NTRK3: variants seen among roughly 807,000 people sequenced by gnomAD.
NTRK3 encodes the protein neurotrophic receptor tyrosine kinase 3, also known as NT-3 growth factor receptor.
Under a neutral mutation model 91.7 loss-of-function variants are expected in NTRK3, and 24 were observed. The ratio of observed to expected loss-of-function variants is 0.26; its 90% CI spans 0.19 to 0.37. The LOEUF is 0.37. NTRK3 is among the 10% of genes least tolerant of loss of function. The pLI, the probability that NTRK3 is intolerant of heterozygous loss-of-function variation, is 1.00. For missense variants in NTRK3, 880 were observed against 1,068.9 expected (o/e 0.82, Z 2.46); for synonymous variants, 483 against 404.0 (o/e 1.20, Z -2.34).
chr15:88,077,003 A>G (rs1159180328), intron 13 of NTRK3, among the ~76,000 whole-genome samples: 1 of 152,150 alleles, frequency 6.6e-6, no homozygotes, highest in Non-Finnish European at 1.5e-5. Flanking sequence ...CTGAGGCATG[A>G]GAATCGCTTG....
At chr15:88,253,965 G>C (rs183001987) in intron 3 of NTRK3, among the ~76,000 whole-genome samples, 1 of 152,178 alleles carries the variant, frequency 6.6e-6, no homozygotes, top group Non-Finnish European at 1.5e-5. Flanking sequence ...CCTCTGTGTG[G>C]CTATAAAGAG....
At chr15:88,112,550 C>T (rs1475164033) in intron 13 of NTRK3, among the ~76,000 whole-genome samples, 1 of 152,086 alleles carries the variant, frequency 6.6e-6, no homozygotes, top group African/African-American at 2.4e-5. Flanking sequence ...TCTCTCTTGG[C>T]CAGCCCTGTC....
chr15:87,877,061 C>T (rs1057053306), exon 19 of NTRK3: 14 of 1,613,964 alleles, frequency 8.7e-6, no homozygotes, highest in Non-Finnish European at 1.0e-5. Flanking sequence ...CATCGTACAC[C>T]TCTTTGGGGC....
At chr15:88,247,509 C>G (rs1431238662) in intron 3 of NTRK3, among the ~76,000 whole-genome samples, 4 of 152,214 alleles carry the variant, frequency 2.6e-5, no homozygotes, top group African/African-American at 9.6e-5. Context: ...ACTCAGAAAT[C>G]TTCCCAGTAG....
chr15:88,229,381 CTGCTTCTCCA>C (rs1567684137), intron 3 of NTRK3, among the ~76,000 whole-genome samples: 1 of 152,198 alleles, frequency 6.6e-6, no homozygotes, highest in Non-Finnish European at 1.5e-5. Context: ...TCTTTCCAAT[CTGCTTCTCCA>C]TGTTACATCC....
Position 87,901,620 on chromosome 15 carries a change from A to G in NTRK3, c.2134-21192T>C, listed in dbSNP as rs531149960. 3.9e-5 allele frequency among the ~76,000 whole-genome samples: 6 copies of G among 152,348 alleles called. No homozygotes were observed. In the East Asian group the frequency reaches 9.6e-4, roughly 24 times the overall value. On this transcript the variant is annotated intron_variant, in intron 17 of 18. Transcript: ENST00000394480. ...ACATGGATATAGAACAACTTATTGCATGTTTATACTGTGCTAGGATATATG... is the reference window on the plus strand; with the variant it reads ...ACATGGATATAGAACAACTTATTGCGTGTTTATACTGTGCTAGGATATATG...
At chr15:87,940,465 G>A (rs186919129) in intron 15 of NTRK3, among the ~76,000 whole-genome samples, 158 bp downstream of exon 15, 1 of 152,160 alleles carries the variant, frequency 6.6e-6, no homozygotes, top group Non-Finnish European at 1.5e-5. Flanking sequence ...AGTTGTTTTG[G>A]TCCCTAGGAA....
rs375532015 is a variant in NTRK3, at chr15:88,223,508, G to A, written c.248+32398C>T. Among the ~76,000 whole-genome samples the A allele has an allele frequency of 7.9e-5, 12 of 152,362 alleles. No individual in the cohort carries two copies. The South Asian group carries it at 8.3e-4, about 11-fold the overall frequency. ...GAGTTTTGCAAGGGCCAGAGACTGC[G>A]GAGCAGGGCCTGGGTATGCCCAGGG... On this transcript the variant is annotated intron_variant, in intron 3 of 18. Transcript: ENST00000394480.
intron 13 of NTRK3, among the ~76,000 whole-genome samples, chr15:88,110,221 G>C (rs2051180071): frequency 6.6e-6 from 1 of 152,128 alleles, no homozygotes; most frequent in African/African-American, 2.4e-5. Context: ...CAAAGTGGTG[G>C]GTAAAGAAAG....
intron 17 of NTRK3, among the ~76,000 whole-genome samples, chr15:87,915,511 T>C (rs2067385956): frequency 6.6e-6 from 1 of 152,258 alleles, no homozygotes; most frequent in African/African-American, 2.4e-5. Flanking sequence ...TAAAAGTGTT[T>C]TCTCTTTCCT....
At chr15:88,136,644 A>G (rs1300866585) in intron 7 of NTRK3, 35 bp from the exon 8 acceptor site, 2 of 1,604,190 alleles carry the variant, frequency 1.2e-6, no homozygotes, top group African/African-American at 1.3e-5. Flanking sequence ...AAAGACAGGC[A>G]AACACTTACT....
At chr15:88,046,232 C>T (rs1300944976) in intron 13 of NTRK3, among the ~76,000 whole-genome samples, 1 of 152,172 alleles carries the variant, frequency 6.6e-6, no homozygotes, top group Non-Finnish European at 1.5e-5. Flanking sequence ...AATATGTACC[C>T]TCTAGAATCC....
At chr15:87,865,375 T>G (rs2064639406) in exon 19 of NTRK3, 1 of 212,612 alleles carries the variant, frequency 4.7e-6, no homozygotes, top group African/African-American at 2.3e-5. Flanking sequence ...ATACTGTGAC[T>G]TTGGCATTCT....
rs564887203 is a variant in NTRK3, at chr15:88,184,078, C to T, written c.323+147G>A. The T allele has an allele frequency of 6.6e-5, 50 of 763,092 alleles. No homozygotes were observed. The African/African-American group carries it at 7.9e-4, about 12-fold the overall frequency. 47.3% of individuals were successfully genotyped at this position (763,092 alleles called of 1,614,324 possible). On this transcript the variant is annotated intron_variant, in intron 4 of 18. Transcript: ENST00000394480. ...TGAAGCCTCTGGTGTCCCCTAAGTG[C>T]ATATTGCCAACTCTACCAAAAGAAG...
chr15:87,886,675 G>GATATATATATATATATAT, intron 17 of NTRK3, among the ~76,000 whole-genome samples: 1 of 31,182 alleles, frequency 3.2e-5, no homozygotes, highest in Admixed American at 3.1e-4. Context: ...CCCACTTTTT[G>GATATATATATATATATAT]CTATATATAT....
At chr15:87,933,813 T>A (rs914227224) in intron 15 of NTRK3, among the ~76,000 whole-genome samples, 3 of 152,142 alleles carry the variant, frequency 2.0e-5, no homozygotes, top group Admixed American at 6.6e-5. Flanking sequence ...GGGCGGCAGC[T>A]ACGGGAATGG....
At chr15:87,882,110 G>A (rs1380545494) in intron 17 of NTRK3, among the ~76,000 whole-genome samples, 1 of 151,760 alleles carries the variant, frequency 6.6e-6, no homozygotes, top group Non-Finnish European at 1.5e-5. Context: ...TGGTCAGGCT[G>A]GTCTCAAACT....
At chr15:88,168,799 C>G (rs2045240333) in intron 5 of NTRK3, among the ~76,000 whole-genome samples, 1 of 152,206 alleles carries the variant, frequency 6.6e-6, no homozygotes, top group Non-Finnish European at 1.5e-5. Flanking sequence ...CTGAGAGGCA[C>G]CAGCACAGTA....
intron 13 of NTRK3, among the ~76,000 whole-genome samples, chr15:88,096,771 C>T (rs547765768): frequency 5.3e-5 from 8 of 152,334 alleles, no homozygotes; most frequent in African/African-American, 1.9e-4. Flanking sequence ...CGGTCCCCAG[C>T]AGGACTAAGC....
Sources: gnomAD v4.1 joint callset for allele counts (sites outside exome capture counted in the v4.1 genomes callset) on GRCh38, gnomAD v4.1.1 for gene constraint, MANE v1.5 for transcripts, NCBI Gene and HGNC (gene_info 2026-07-23, HGNC 2026-07-21) for gene names.